Variants in ATP8A2 observed in about 807,000 individuals in gnomAD.
ATP8A2 encodes the protein phospholipid-transporting ATPase IB.
A neutral mutation model predicts 165.6 loss-of-function variants in ATP8A2; 100 were observed. The observed-to-expected ratio is 0.60, with a 90% confidence interval of 0.51 to 0.71. The LOEUF (loss-of-function observed/expected upper bound fraction) is 0.71, where lower values mean the gene tolerates loss of function less well. Among genes scored for constraint, ATP8A2 ranks in the 30% least tolerant of loss-of-function variants. The pLI is 0.00. For missense variants in ATP8A2, 1,227 were observed against 1,479.5 expected, an observed-to-expected ratio of 0.83 and a Z score of 2.80; for synonymous variants, 543 against 548.8, an observed-to-expected ratio of 0.99 and a Z score of 0.15.
At chr13:25,390,942 T>C (rs1406747477) in intron 1 of ATP8A2, among the ~76,000 whole-genome samples, 1 of 151,262 alleles carries the variant, frequency 6.6e-6, no homozygotes, top group Non-Finnish European at 1.5e-5. Flanking sequence ...AAAAAAAAAT[T>C]CATCTATGTT....
intron 23 of ATP8A2, among the ~76,000 whole-genome samples, chr13:25,586,329 T>C (rs7139526): frequency 0.6 from 91,321 of 151,934 alleles, 29,052 homozygotes; most frequent in Middle Eastern, 0.71. Flanking sequence ...CAAAAATGAC[T>C]GAGAATAGAA....
intron 19 of ATP8A2, among the ~76,000 whole-genome samples, 183 bp from the exon 20 acceptor site, chr13:25,576,886 G>A (rs906223844): frequency 3.3e-5 from 5 of 152,130 alleles, no homozygotes; most frequent in Admixed American, 3.3e-4. Flanking sequence ...ATGTTCATTA[G>A]ATGTAAATAA....
intron 24 of ATP8A2, chr13:25,591,403 A>G: frequency 2.2e-6 from 1 of 456,084 alleles, no homozygotes; most frequent in Non-Finnish European, 4.4e-6. Flanking sequence ...TCAATCATAT[A>G]GTATTTGTGA....
chr13:25,920,901 C>T (rs1258837588), intron 33 of ATP8A2, among the ~76,000 whole-genome samples: 1 of 152,052 alleles, frequency 6.6e-6, no homozygotes, highest in Non-Finnish European at 1.5e-5. Flanking sequence ...AAACCTGTCT[C>T]TACTAAAAAT....
chr13:25,408,779 C>T (rs1370983297), intron 1 of ATP8A2, among the ~76,000 whole-genome samples: 1 of 152,158 alleles, frequency 6.6e-6, no homozygotes, highest in Non-Finnish European at 1.5e-5. Flanking sequence ...TGGTTCCTTG[C>T]TCAGCTAGTT....
chr13:25,779,043 A>G (rs564629734), intron 27 of ATP8A2, among the ~76,000 whole-genome samples: 2 of 152,190 alleles, frequency 1.3e-5, no homozygotes, highest in South Asian at 4.2e-4. Context: ...GCAAGTGTGA[A>G]CATGGGACCA....
intron 33 of ATP8A2, among the ~76,000 whole-genome samples, chr13:25,886,580 T>C (rs796211651): frequency 2.6e-5 from 4 of 152,348 alleles, no homozygotes; most frequent in African/African-American, 9.6e-5. Context: ...ACCCGCTCCA[T>C]GTGCGCTGGA....
intron 33 of ATP8A2, among the ~76,000 whole-genome samples, chr13:25,887,830 G>GT (rs1459398187): frequency 1.2e-4 from 18 of 150,852 alleles, no homozygotes; most frequent in African/African-American, 2.4e-4. Flanking sequence ...GTTTGTTTGT[G>GT]TTTTTTTTTA....
At chr13:25,686,462 T>A (rs1288220543) in intron 24 of ATP8A2, among the ~76,000 whole-genome samples, 1 of 152,032 alleles carries the variant, frequency 6.6e-6, no homozygotes, top group African/African-American at 2.4e-5. Context: ...TATCCCAGTA[T>A]CAGGGAGGCA....
Position 25,538,050 on chromosome 13 carries a change from G to C in ATP8A2, c.570G>C (p.Leu190=). ...AGTATCTTCCAGCAGATGTGGTCCT[G>C]CTGTCATCCAGGTTAGCTGTGCTAG... The part of the protein sequence containing the change: ...NGQYLPADVV[L]LSSSEPQAMC... The change falls in exon 7 of 37, where the codon CTG becomes CTC. Residue 190 remains leucine (L), a synonymous_variant. Transcript: ENST00000381655. 1.9e-6 allele frequency: 3 copies of C among 1,613,704 alleles called. No individual in the cohort carries two copies. Among genetic ancestry groups the C allele is most frequent in the Non-Finnish European group, 2.5e-6 (3 of 1,179,704 alleles).
chr13:25,599,906 AC>A (rs2040337908), intron 24 of ATP8A2, among the ~76,000 whole-genome samples: 1 of 152,108 alleles, frequency 6.6e-6, no homozygotes, highest in Admixed American at 6.5e-5. Context: ...CCAGTTTTTC[AC>A]CTTTGGAATA....
intron 1 of ATP8A2, among the ~76,000 whole-genome samples, chr13:25,427,862 C>G (rs1279011995): frequency 1.3e-5 from 2 of 151,862 alleles, no homozygotes; most frequent in East Asian, 3.9e-4. Flanking sequence ...CCACTGCACT[C>G]CAGCCTGGTG....
chr13:25,455,438 C>T (rs1366848377), intron 1 of ATP8A2, among the ~76,000 whole-genome samples: 1 of 152,174 alleles, frequency 6.6e-6, no homozygotes. Context: ...CCAGGAGCAG[C>T]ACAATGCTTT....
At chr13:25,737,248 C>T (rs766600385) in intron 25 of ATP8A2, among the ~76,000 whole-genome samples, 1 of 152,202 alleles carries the variant, frequency 6.6e-6, no homozygotes. Context: ...GTGAATAGCT[C>T]AAGCCTGTGC....
At chr13:25,859,339 G>A (rs9553664) in intron 30 of ATP8A2, among the ~76,000 whole-genome samples, 3 of 151,950 alleles carry the variant, frequency 2.0e-5, no homozygotes, top group Non-Finnish European at 2.9e-5. Flanking sequence ...ACAAACCTGC[G>A]CATGTACCCC....
intron 24 of ATP8A2, among the ~76,000 whole-genome samples, chr13:25,643,299 T>G (rs541928957): frequency 4.7e-4 from 71 of 152,310 alleles, no homozygotes; most frequent in African/African-American, 1.7e-3. Flanking sequence ...TCCTCTTCAC[T>G]GCTGTGTATT....
intron 12 of ATP8A2, 23 bp from the exon 13 acceptor site, chr13:25,554,968 G>A (rs749372818): frequency 2.0e-6 from 3 of 1,479,340 alleles, no homozygotes; most frequent in Middle Eastern, 1.7e-4. Flanking sequence ...CTGAAATCCT[G>A]TCTCTTGTTC....
At chr13:25,506,938 T>TAC (rs1278845748) in intron 2 of ATP8A2, among the ~76,000 whole-genome samples, 1 of 112,718 alleles carries the variant, frequency 8.9e-6, no homozygotes, top group Non-Finnish European at 1.8e-5. Flanking sequence ...TACAGTACAG[T>TAC]ACATATATAT....
chr13:25,465,050 T>C (rs2035598138), intron 1 of ATP8A2, among the ~76,000 whole-genome samples: 1 of 152,214 alleles, frequency 6.6e-6, no homozygotes, highest in African/African-American at 2.4e-5. Context: ...CTAATAGATA[T>C]TTATTGAACT....
Sources: allele counts gnomAD v4.1 joint callset (sites outside exome capture counted in the v4.1 genomes callset), GRCh38; gene constraint gnomAD v4.1.1; transcripts MANE v1.5; gene names NCBI Gene and HGNC (gene_info 2026-07-23, HGNC 2026-07-21).